The following CENPO variants were observed in gnomAD, a reference collection of about 807,000 sequenced individuals.
CENPO encodes the protein centromeric protein O.
In CENPO, 30 loss-of-function variants were observed where a neutral mutation model predicts 36.1. The observed-to-expected ratio is 0.83, with a 90% CI of 0.62 to 1.13. The LOEUF (loss-of-function observed/expected upper bound fraction) is 1.13, where lower values mean the gene tolerates loss of function less well. Ranked by LOEUF, CENPO falls within the 50% of genes most tolerant of loss-of-function variation. The pLI, the probability that CENPO is intolerant of heterozygous loss-of-function variation, is 0.00. For missense variants in CENPO, 349 were observed against 357.8 expected (o/e 0.98, Z 0.20); for synonymous variants, 171 against 142.3 (o/e 1.20, Z -1.44).
Position 24,817,806 on chromosome 2 carries a change from A to ATAGAT in CENPO, c.*2_*6dup. The ATAGAT allele has an allele frequency of 6.2e-7, 1 of 1,614,144 alleles. No homozygotes were observed. Among genetic ancestry groups the ATAGAT allele is most frequent in the South Asian group, 1.1e-5 (1 of 91,080 alleles). ...AGTTGGATATGAGTCTGGTCTCCTAATAGATTGTTTTCACTGCACTGGGAG... is the reference window on the plus strand; with the variant it reads ...AGTTGGATATGAGTCTGGTCTCCTAATAGATTAGATTGTTTTCACTGCACTGGGAG... On this transcript the variant is annotated 3_prime_UTR_variant, in exon 7 of 8. Coordinates refer to ENST00000380834, the MANE Select transcript of CENPO (RefSeq NM_001322101.2).
At chr2:24,817,898 A>T (rs972816894) in intron 7 of CENPO, 57 bp downstream of exon 7, 2 of 1,401,766 alleles carry the variant, frequency 1.4e-6, no homozygotes, top group Non-Finnish European at 9.9e-7. Flanking sequence ...GATGAAGGGT[A>T]CATCACCCTT....
intron 3 of CENPO, among the ~76,000 whole-genome samples, chr2:24,811,429 C>T (rs554107168): frequency 2.6e-4 from 39 of 150,672 alleles, no homozygotes; most frequent in East Asian, 7.8e-4. Flanking sequence ...TACAGATGCC[C>T]GCCACCACAC....
chr2:24,807,512 T>G (rs889983645), intron 3 of CENPO, among the ~76,000 whole-genome samples: 3 of 152,254 alleles, frequency 2.0e-5, no homozygotes, highest in South Asian at 4.1e-4. Flanking sequence ...ATGAGTATAC[T>G]ACATTTATTT....
chr2:24,804,324 A>G (rs550330908), intron 3 of CENPO, among the ~76,000 whole-genome samples: 2 of 152,252 alleles, frequency 1.3e-5, no homozygotes, highest in South Asian at 4.2e-4. Flanking sequence ...TAGTCTATTT[A>G]CATTTAAGGT....
At chr2:24,808,513 G>A (rs1042903573) in intron 3 of CENPO, among the ~76,000 whole-genome samples, 1 of 152,134 alleles carries the variant, frequency 6.6e-6, no homozygotes, top group Admixed American at 6.5e-5. Context: ...GGTAATAAAA[G>A]AGCCACCTGG....
intron 3 of CENPO, among the ~76,000 whole-genome samples, chr2:24,809,319 G>A (rs1298426036): frequency 1.3e-5 from 2 of 151,722 alleles, no homozygotes; most frequent in South Asian, 2.1e-4. Flanking sequence ...ATTTTCTCTC[G>A]TTCATTTGTT....
intron 4 of CENPO, chr2:24,814,726 G>A: frequency 2.0e-6 from 1 of 507,360 alleles, no homozygotes; most frequent in East Asian, 3.4e-5. Flanking sequence ...CTCAGTTGGT[G>A]GCTGGCTTAT....
At chr2:24,817,629 C>G in intron 6 of CENPO, 41 bp from the exon 7 acceptor site, 3 of 1,612,434 alleles carry the variant, frequency 1.9e-6, no homozygotes, top group Non-Finnish European at 2.5e-6. Flanking sequence ...TCCGATTCCC[C>G]CAGCTGCACT....
rs1011548025 is a variant in CENPO at position 24,821,057 on chromosome 2, C to A, written c.*1739C>A. 3.3e-5 allele frequency: 21 copies of A among 635,778 alleles called. No individual in the cohort carries two copies. The highest frequency in any genetic ancestry group is 1.3e-4 in the African/African-American group (7 of 53,636). 39.4% of individuals were successfully genotyped at this position (635,778 alleles called of 1,614,324 possible). A position where few individuals can be genotyped will look rare whatever the true frequency, so the allele number is the denominator to read the frequency against. On this transcript the variant is annotated 3_prime_UTR_variant, in exon 8 of 8. Transcript: ENST00000380834. Reference sequence around the variant, plus strand: ...TAGGTGTCAGCCGCCACCCCCCCCCCATATGCAGATTTACTCGGCATGGTA... The same window carrying A: ...TAGGTGTCAGCCGCCACCCCCCCCCAATATGCAGATTTACTCGGCATGGTA...
chr2:24,814,286 C>CT (rs1488476439), intron 3 of CENPO, 90 bp from the exon 4 acceptor site: 1 of 756,816 alleles, frequency 1.3e-6, no homozygotes, highest in Non-Finnish European at 2.4e-6. Context: ...TATCATGTGC[C>CT]TTGTATTTAG....
Position 24,793,965 on chromosome 2 carries a change from G to A in CENPO, c.46G>A (p.Gly16Ser). 1 of 1,610,550 alleles carries A rather than the reference G, an allele frequency of 6.2e-7. No homozygotes were observed. The highest frequency in any genetic ancestry group is 1.1e-5 in the South Asian group (1 of 90,998). ...PLRPDGESKG[G>S]VLAHLERLET... ...ACGTCCAGATGGCGAGTCCAAAGGA[G>A]GTATTCAGAGGGTCGCCGCCTCCTT... Residue 16 changes from glycine to serine, a missense_variant and splice_region_variant, in exon 2 of 8, where the codon GGT (glycine) becomes AGT (serine). By Grantham distance (56) the Gly-to-Ser change is moderately conservative. Coordinates refer to ENST00000380834, the MANE Select transcript of CENPO (RefSeq NM_001322101.2).
chr2:24,799,622 C>T (rs1666071360), intron 2 of CENPO, 53 bp from the exon 3 acceptor site: 6 of 1,452,352 alleles, frequency 4.1e-6, no homozygotes, highest in Middle Eastern at 2.1e-4. Context: ...CTTCCTGTTG[C>T]CACAGTGAGA....
In CENPO at chr2:24,821,676, C is replaced by CGCTCACTGCAGCAGCCT. The variant is rs1430208511; in HGVS notation, c.*2363_*2379dup. 8 of 1,609,520 alleles carry CGCTCACTGCAGCAGCCT rather than the reference C, an allele frequency of 5.0e-6. No homozygotes were observed. Among genetic ancestry groups the CGCTCACTGCAGCAGCCT allele is most frequent in the Non-Finnish European group, 6.8e-6 (8 of 1,177,726 alleles). On this transcript the variant is annotated 3_prime_UTR_variant, in exon 8 of 8. Transcript: ENST00000380834. ...GGACCGTGGAGAAAGTGTCAGGGGC[C>CGCTCACTGCAGCAGCCT]GCTCACTGCAGCAGCCTGCTCTGCT... is the stretch of plus-strand genomic sequence containing the variant.
chr2:24,807,787 A>G (rs1425150782), intron 3 of CENPO, among the ~76,000 whole-genome samples: 1 of 152,202 alleles, frequency 6.6e-6, no homozygotes, highest in Non-Finnish European at 1.5e-5. Context: ...CATTTTTACC[A>G]ATACTTGCTA....
intron 5 of CENPO, chr2:24,816,360 C>T: frequency 3.0e-6 from 1 of 328,340 alleles, no homozygotes; most frequent in Non-Finnish European, 5.5e-6. Context: ...AGTCATGAAG[C>T]ATCTTAGCCG....
At chr2:24,808,897 T>C (rs1005827162) in intron 3 of CENPO, among the ~76,000 whole-genome samples, 2 of 152,034 alleles carry the variant, frequency 1.3e-5, no homozygotes, top group African/African-American at 4.8e-5. Flanking sequence ...TTTTTTTTTT[T>C]CTATTCTTTG....
At chr2:24,808,297 C>T (rs964721029) in intron 3 of CENPO, among the ~76,000 whole-genome samples, 2 of 152,132 alleles carry the variant, frequency 1.3e-5, no homozygotes, top group Non-Finnish European at 2.9e-5. Flanking sequence ...CACCCTCCAC[C>T]TCCTGGGTTC....
Position 24,821,434 on chromosome 2 carries a change from G to A in CENPO, c.*2116G>A. ...ACCCGAATTGCCTCAGTTGTCCTGA[G>A]CCTCATGTCTCTCCTGGTGGTGGGC... On this transcript the variant is annotated 3_prime_UTR_variant, in exon 8 of 8. Transcript: ENST00000380834. 1.9e-6 allele frequency: 3 copies of A among 1,564,646 alleles called. No homozygotes were observed. The highest frequency in any genetic ancestry group is 2.6e-6 in the Non-Finnish European group (3 of 1,151,560).
intron 3 of CENPO, among the ~76,000 whole-genome samples, chr2:24,805,000 T>C (rs1272193984): frequency 2.0e-5 from 3 of 152,230 alleles, no homozygotes; most frequent in African/African-American, 7.2e-5. Flanking sequence ...CATAGTCCCA[T>C]ATTTCTTGGA....
Sources: gnomAD v4.1 joint callset for allele counts (sites outside exome capture counted in the v4.1 genomes callset) on GRCh38, gnomAD v4.1.1 for gene constraint, MANE v1.5 for transcripts, NCBI Gene and HGNC (gene_info 2026-07-23, HGNC 2026-07-21) for gene names.